Variants in NAALADL1 observed in about 807,000 individuals in gnomAD.
The protein encoded by NAALADL1 is N-acetylated alpha-linked acidic dipeptidase like 1.
NAALADL1 carries 77 observed loss-of-function variants against 82.8 expected under a neutral mutation model. That is an observed-to-expected ratio of 0.93 (90% CI 0.77 to 1.12). The LOEUF (loss-of-function observed/expected upper bound fraction) is 1.12, where lower values mean the gene tolerates loss of function less well. Ranked by LOEUF, NAALADL1 falls within the 50% of genes most tolerant of loss-of-function variation. The pLI, the probability that NAALADL1 is intolerant of heterozygous loss-of-function variation, is 0.00. For missense variants in NAALADL1, 956 were observed against 964.0 expected, an observed-to-expected ratio of 0.99 and a Z score of 0.11; for synonymous variants, 358 against 399.2, an observed-to-expected ratio of 0.90 and a Z score of 1.23.
At position 65,047,484 on chromosome 11, in the gene NAALADL1, G is replaced by A. The variant is rs1322369676; in HGVS notation, c.1590C>T (p.Thr530=). The part of the protein sequence containing the change: ...LGISSMDIAY[T]YDRSKTSARI... ...AGGGGCGCCTGCTCACCCGGTCATA[G>A]GTATAGGCAATGTCCATGGAGGAGA... Residue 530 remains threonine (T), a synonymous_variant, in exon 13 of 18, where the codon ACC becomes ACT. Transcript: ENST00000358658. The A allele has an allele frequency of 6.4e-7, 1 of 1,563,426 alleles. No individual in the cohort carries two copies.
intron 4 of NAALADL1, among the ~76,000 whole-genome samples, chr11:65,056,022 T>A (rs1947030651): frequency 6.6e-6 from 1 of 151,596 alleles, no homozygotes; most frequent in African/African-American, 2.4e-5. Context: ...GTAGCTGGGA[T>A]TACAGGTGCC....
chr11:65,050,015 A>G (rs1260287345), intron 8 of NAALADL1, among the ~76,000 whole-genome samples: 1 of 151,342 alleles, frequency 6.6e-6, no homozygotes, highest in East Asian at 2.1e-4. Flanking sequence ...AGCTGGGATT[A>G]CAGGCACCCA....
At chr11:65,045,777 C>T (rs746343665) in intron 17 of NAALADL1, 45 bp downstream of exon 17, 5 of 1,568,310 alleles carry the variant, frequency 3.2e-6, no homozygotes, top group African/African-American at 1.4e-5. Flanking sequence ...AGCCATTGTC[C>T]GGCCCCACCT....
chr11:65,045,748 C>T (rs1411571770), intron 17 of NAALADL1, 74 bp downstream of exon 17: 1 of 1,417,068 alleles, frequency 7.1e-7, no homozygotes, highest in Non-Finnish European at 9.9e-7. Context: ...AGAAGCTGAC[C>T]ACCTCGTCTC....
intron 9 of NAALADL1, 29 bp from the exon 10 acceptor site, chr11:65,048,244 C>G (rs765705656): frequency 1.2e-6 from 2 of 1,614,000 alleles, no homozygotes; most frequent in Non-Finnish European, 1.7e-6. Context: ...ACGTCAGCCC[C>G]GCGCCGTTCT....
chr11:65,058,772 G>T (rs1392555198), upstream of NAALADL1, among the ~76,000 whole-genome samples: 1 of 152,178 alleles, frequency 6.6e-6, no homozygotes, highest in Non-Finnish European at 1.5e-5. Flanking sequence ...CGAGAGGGAA[G>T]GGGCTCATCC....
chr11:65,047,443 A>G, intron 13 of NAALADL1, 32 bp downstream of exon 13: 23 of 1,538,924 alleles, frequency 1.5e-5, no homozygotes, highest in Non-Finnish European at 2.0e-5. Context: ...GCAGCAAGGT[A>G]CCGAGGCAGG....
chr11:65,048,406 G>A (rs1328710384), intron 8 of NAALADL1, 21 bp from the exon 9 acceptor site: 3 of 1,613,702 alleles, frequency 1.9e-6, no homozygotes, highest in East Asian at 2.2e-5. Flanking sequence ...GGGATAGAGG[G>A]TTGGAGGACA....
Position 65,046,287 on chromosome 11 carries a change from G to A in NAALADL1, c.1757C>T (p.Pro586Leu). 1.2e-6 allele frequency: 2 copies of A among 1,614,156 alleles called. No individual in the cohort carries two copies. The highest frequency in any genetic ancestry group is 2.2e-5 in the East Asian group (1 of 44,880). Residue 586 changes from proline (P) to leucine (L), a missense_variant, in exon 15 of 18, where the codon CCC (proline) becomes CTC (leucine). Physicochemically the swap from Pro to Leu is moderately conservative, Grantham distance 98. Coordinates refer to ENST00000358658, the MANE Select transcript of NAALADL1 (RefSeq NM_005468.3). The stretch of plus-strand genomic sequence containing the variant: ...CTCACTGTAGTCACTGACTTTGAGG[G>A]GCAGGAAGAAGCTGTCACTGAGCCG... Reference protein sequence around the residue: ...ILRLSDSFFLPLKVSDYSETL... With the variant: ...ILRLSDSFFLLLKVSDYSETL...
In NAALADL1 at chr11:65,053,476, AAG is replaced by A; in HGVS notation, c.1078+13_1078+14del. The A allele has an allele frequency of 6.2e-7, 1 of 1,613,518 alleles. No individual in the cohort carries two copies. The highest frequency in any genetic ancestry group is 8.5e-7 in the Non-Finnish European group (1 of 1,179,812). ...AGCAGGGGCCTGGGGTGCAGGCAGC[AAG>A]AGGAGGGCTCACCAGGCTCCACAGC... On this transcript the variant is annotated intron_variant, in intron 7 of 17. Transcript: ENST00000358658. This position sits in a 1 kb window ranked among gnomAD's most constrained non-coding sequence, Gnocchi z 4.3.
intron 4 of NAALADL1, 51 bp downstream of exon 4, chr11:65,057,320 G>A: frequency 1.3e-6 from 2 of 1,557,362 alleles, no homozygotes; most frequent in Non-Finnish European, 8.7e-7. Context: ...CCAGTCCACT[G>A]CCCAGCCCCT....
chr11:65,053,264 G>T lies in NAALADL1; in HGVS notation c.1152C>A (p.Ala384=). Residue 384 remains alanine, a synonymous_variant, in exon 8 of 18, where the codon GCC becomes GCA. Transcript: ENST00000358658. This position sits in a 1 kb window ranked among gnomAD's most constrained non-coding sequence, Gnocchi z 4.3. Reference sequence around the variant, plus strand: ...GGACACGGGAGAGCTCCAGGAGGACGGCGGTGCCACTGCTGGGGTCCACAG... The same window carrying T: ...GGACACGGGAGAGCTCCAGGAGGACTGCGGTGCCACTGCTGGGGTCCACAG... The part of the protein sequence containing the change: ...HGAVDPSSGT[A]VLLELSRVLG... 1 of 1,554,716 alleles carries T rather than the reference G, an allele frequency of 6.4e-7. No individual in the cohort carries two copies. Among genetic ancestry groups the T allele is most frequent in the East Asian group, 2.4e-5 (1 of 41,554 alleles).
rs765827926 is a variant in NAALADL1, at chr11:65,054,672, C to T, written c.670G>A (p.Asp224Asn). ...LVYTDPADIN[D>N]GLSSPDETFP... ...GTTTCGTCGGGTGAGCTCAGCCCAT[C>T]GTTGATGTCGGCAGGGTCTGTGTAC... Residue 224 changes from aspartate to asparagine, a missense_variant, in exon 5 of 18, where the codon GAT becomes AAT. Transcript: ENST00000358658. This position sits in a 1 kb window ranked among gnomAD's most constrained non-coding sequence, Gnocchi z 4.3. 3 of 1,614,108 alleles carry T rather than the reference C, an allele frequency of 1.9e-6. No homozygotes were observed. The highest frequency in any genetic ancestry group is 1.7e-5 in the Admixed American group (1 of 60,004).
At position 65,057,925 on chromosome 11, in the gene NAALADL1, G is replaced by GC. The variant is rs1166278522; in HGVS notation, c.429dup (p.Pro144AlafsTer32). On this transcript the variant is annotated frameshift_variant, in exon 3 of 18. Coordinates refer to ENST00000358658, the MANE Select transcript of NAALADL1 (RefSeq NM_005468.3). LOFTEE classifies it high-confidence loss of function. ...GCAGCATAGGGTTGTACCACATCTG[G>GC]CCCCCCTTGCTCCCCGGTCACGTTC... is the stretch of plus-strand genomic sequence containing the variant. 11 of 1,613,934 alleles carry GC rather than the reference G, an allele frequency of 6.8e-6. No individual in the cohort carries two copies. In the East Asian group the frequency reaches 1.1e-4, roughly 16 times the overall value.
intron 13 of NAALADL1, among the ~76,000 whole-genome samples, 170 bp downstream of exon 13, chr11:65,047,305 T>A (rs1946755487): frequency 6.6e-6 from 1 of 151,908 alleles, no homozygotes; most frequent in South Asian, 2.1e-4. Flanking sequence ...TTCGTCTATA[T>A]AAAACGTGTG....
chr11:65,057,249 C>T (rs1947063215), intron 4 of NAALADL1, 122 bp downstream of exon 4: 2 of 1,429,724 alleles, frequency 1.4e-6, no homozygotes, highest in South Asian at 2.9e-5. Context: ...TCCTGCCCCA[C>T]CCTGGGGCTT....
rs752607110 is a variant in NAALADL1, at chr11:65,054,787, T to A, written c.604-49A>T. The A allele has an allele frequency of 6.3e-7, 1 of 1,584,228 alleles. No individual in the cohort carries two copies. The highest frequency in any genetic ancestry group is 1.1e-5 in the South Asian group (1 of 87,452). Reference sequence around the variant, plus strand: ...GTGTAAGGGAGGGACCGGGACCAGATATGTCCTATTCCTCTTCCTCCTTCC... The same window carrying A: ...GTGTAAGGGAGGGACCGGGACCAGAAATGTCCTATTCCTCTTCCTCCTTCC... On this transcript the variant is annotated intron_variant, in intron 4 of 17. Transcript: ENST00000358658. The surrounding 1 kb of genome is among the most constrained non-coding windows in gnomAD (Gnocchi z 4.3).
rs1947110857 is a variant in NAALADL1, at chr11:65,058,465, C to T, written c.57G>A (p.Leu19=). 1 of 1,613,284 alleles carries T rather than the reference C, an allele frequency of 6.2e-7. No individual in the cohort carries two copies. ...TGGCAAAGTGGCCGAGGATGATCCC[C>T]AGCCCCAAGAGGGCAGCAGCCCCCA... The part of the protein sequence containing the change: ...LGLGAAALLG[L]GIILGHFAIP... Residue 19 remains leucine, a synonymous_variant, in exon 1 of 18, where the codon CTG becomes CTA. Coordinates refer to ENST00000358658, the MANE Select transcript of NAALADL1 (RefSeq NM_005468.3).
intron 8 of NAALADL1, among the ~76,000 whole-genome samples, chr11:65,048,694 A>G (rs989300782): frequency 5.3e-5 from 8 of 152,084 alleles, no homozygotes; most frequent in Non-Finnish European, 1.0e-4. Flanking sequence ...GCCAAACTCC[A>G]TAGCCATCTT....
Sources: allele counts gnomAD v4.1 joint callset (sites outside exome capture counted in the v4.1 genomes callset), GRCh38; gene constraint gnomAD v4.1.1; non-coding constraint Gnocchi (gnomAD v3.1); transcripts MANE v1.5; gene names NCBI Gene and HGNC (gene_info 2026-07-23, HGNC 2026-07-21).